AMN1: variants seen among roughly 807,000 people sequenced by gnomAD.
The protein encoded by AMN1 is antagonist of mitotic exit network 1 homolog.
Under a neutral mutation model 33.0 loss-of-function variants are expected in AMN1, and 20 were observed. The observed-to-expected ratio is 0.61, with a 90% CI of 0.43 to 0.88. The LOEUF is 0.88. AMN1 is among the 40% of genes least tolerant of loss of function. The pLI, the probability that AMN1 is intolerant of heterozygous loss-of-function variation, is 0.00. For synonymous variants in AMN1, 114 were observed against 111.9 expected, an observed-to-expected ratio of 1.02 and a Z score of -0.12; for missense variants, 246 against 307.4, an observed-to-expected ratio of 0.80 and a Z score of 1.49.
intron 5 of AMN1, among the ~76,000 whole-genome samples, chr12:31,696,167 A>G (rs1000201362): frequency 1.3e-5 from 2 of 152,100 alleles, no homozygotes; most frequent in African/African-American, 4.8e-5. Context: ...AACTTGGGAC[A>G]TGGAAGTTGC....
rs1938815132 is a variant in AMN1, at chr12:31,698,074, A to C, written c.317-117T>G. 5.6e-6 allele frequency: 5 copies of C among 895,784 alleles called. 1 individual carries two copies. The highest frequency in any genetic ancestry group is 4.8e-5 in the South Asian group (3 of 62,576). The allele number at this position is 895,784 out of a possible 1,614,324, so 55.5% of individuals were successfully genotyped here. On this transcript the variant is annotated intron_variant, in intron 3 of 6. Coordinates refer to ENST00000281471, the MANE Select transcript of AMN1 (RefSeq NM_001113402.2). The stretch of plus-strand genomic sequence containing the variant: ...GTTCAGTGTTAGCCCTTTTCAAAGT[A>C]GTCCACCTGTGAGGAAATACTGATT...
At chr12:31,693,458 T>G (rs1023828899) in intron 5 of AMN1, among the ~76,000 whole-genome samples, 3 of 151,970 alleles carry the variant, frequency 2.0e-5, no homozygotes, top group African/African-American at 7.3e-5. Flanking sequence ...AACTCCCAGC[T>G]TCATGTGATC....
chr12:31,698,021 T>C, intron 3 of AMN1, 64 bp from the exon 4 acceptor site: 1 of 1,496,714 alleles, frequency 6.7e-7, no homozygotes, highest in Admixed American at 1.7e-5. Flanking sequence ...ATGAGAAATG[T>C]GACTGATTTT....
chr12:31,677,315 A>G (rs1245846015), intron 6 of AMN1, among the ~76,000 whole-genome samples: 1 of 152,146 alleles, frequency 6.6e-6, no homozygotes, highest in African/African-American at 2.4e-5. Flanking sequence ...AAAGAAAAAG[A>G]AAAAGAATCA....
intron 6 of AMN1, among the ~76,000 whole-genome samples, chr12:31,674,589 T>G (rs539118937): frequency 2.6e-5 from 4 of 152,288 alleles, no homozygotes; most frequent in Admixed American, 2.6e-4. Context: ...GGCAACCTTA[T>G]GTAACATAAC....
At chr12:31,728,363 A>G (rs1436388157) in intron 1 of AMN1, among the ~76,000 whole-genome samples, 7 of 152,194 alleles carry the variant, frequency 4.6e-5, no homozygotes, top group Non-Finnish European at 1.5e-5. Flanking sequence ...AGGGTTTTAC[A>G]TGTTTTAAAT....
chr12:31,696,916 G>A lies in AMN1; in HGVS notation c.591+445C>T, dbSNP rs1369593081. 8.8e-5 allele frequency among the ~76,000 whole-genome samples: 13 copies of A among 146,946 alleles called. No homozygotes were observed. The East Asian group carries it at 1.8e-3, about 20-fold the overall frequency. ...AGCCTGGGCAACAGTGGGAGACTCC[G>A]TCTCAAAAAAAAAAAAAAACTTTTT... is the stretch of plus-strand genomic sequence containing the variant. On this transcript the variant is annotated intron_variant, in intron 5 of 6. Coordinates refer to ENST00000281471, the MANE Select transcript of AMN1 (RefSeq NM_001113402.2).
chr12:31,693,785 G>A (rs1938604210), intron 5 of AMN1, among the ~76,000 whole-genome samples: 1 of 151,082 alleles, frequency 6.6e-6, no homozygotes, highest in South Asian at 2.1e-4. Flanking sequence ...CAGGTGATCT[G>A]CCCACCTCAG....
intron 2 of AMN1, among the ~76,000 whole-genome samples, chr12:31,702,865 T>C (rs1388598367): frequency 6.6e-6 from 1 of 152,168 alleles, no homozygotes; most frequent in African/African-American, 2.4e-5. Context: ...AGCCTCCCAG[T>C]AGCTGGGATT....
chr12:31,672,896 T>C (rs1951312055), intron 6 of AMN1: 1 of 154,062 alleles, frequency 6.5e-6, no homozygotes, highest in Non-Finnish European at 1.4e-5. Flanking sequence ...AGTTGACCTG[T>C]AGCTGAACAT....
chr12:31,714,227 TA>T (rs1267873257), intron 1 of AMN1, among the ~76,000 whole-genome samples: 2 of 152,122 alleles, frequency 1.3e-5, no homozygotes, highest in African/African-American at 4.8e-5. Flanking sequence ...ACCTGTAACA[TA>T]AAGCAAGCAA....
At chr12:31,696,506 T>A (rs1938733182) in intron 5 of AMN1, among the ~76,000 whole-genome samples, 1 of 152,146 alleles carries the variant, frequency 6.6e-6, no homozygotes, top group Admixed American at 6.6e-5. Context: ...ATAGCATAGT[T>A]ATATTAAACC....
At chr12:31,709,571 C>T (rs1004515689) in intron 1 of AMN1, 146 bp from the exon 2 acceptor site, 20 of 979,372 alleles carry the variant, frequency 2.0e-5, no homozygotes, top group Non-Finnish European at 2.6e-5. Flanking sequence ...GTAATCCCAA[C>T]ACTTTGGGAA....
Position 31,697,010 on chromosome 12 carries a change from G to A in AMN1, c.591+351C>T, listed in dbSNP as rs192791871. Among the ~76,000 whole-genome samples, 149 of 151,906 alleles carry A rather than the reference G, an allele frequency of 9.8e-4. 4 individuals are homozygous for A. In the East Asian group the frequency reaches 0.023, roughly 24 times the overall value. On this transcript the variant is annotated intron_variant, in intron 5 of 6. Coordinates refer to ENST00000281471, the MANE Select transcript of AMN1 (RefSeq NM_001113402.2). ...GGATGTCAAGAGAATTAATACTCCT[G>A]GTAGAAATATCATTAAGACCTGAAA...
At chr12:31,710,062 T>C (rs1434862728) in intron 1 of AMN1, among the ~76,000 whole-genome samples, 2 of 152,220 alleles carry the variant, frequency 1.3e-5, no homozygotes, top group East Asian at 1.9e-4. Context: ...GACCCACTAA[T>C]TGAAAAGTTT....
At chr12:31,720,522 A>G (rs1417733939) in intron 1 of AMN1, among the ~76,000 whole-genome samples, 1 of 151,268 alleles carries the variant, frequency 6.6e-6, no homozygotes, top group African/African-American at 2.4e-5. Context: ...CCTGGACAAC[A>G]TGAGTGAAAC....
chr12:31,722,727 T>A (rs970092715), intron 1 of AMN1, among the ~76,000 whole-genome samples: 1 of 152,192 alleles, frequency 6.6e-6, no homozygotes, highest in Non-Finnish European at 1.5e-5. Context: ...GGTGGCAGTC[T>A]GGCAAAAGGG....
intron 2 of AMN1, among the ~76,000 whole-genome samples, chr12:31,702,516 T>C (rs1248674007): frequency 6.6e-6 from 1 of 152,178 alleles, no homozygotes; most frequent in Non-Finnish European, 1.5e-5. Context: ...TGACAAATAA[T>C]AGATTAATTC....
At chr12:31,707,436 T>C (rs1199687996) in intron 2 of AMN1, among the ~76,000 whole-genome samples, 1 of 152,200 alleles carries the variant, frequency 6.6e-6, no homozygotes, top group African/African-American at 2.4e-5. Flanking sequence ...CTGCAACTGC[T>C]TGACTGTAGA....
Sources: allele counts gnomAD v4.1 joint callset (sites outside exome capture counted in the v4.1 genomes callset), GRCh38; gene constraint gnomAD v4.1.1; transcripts MANE v1.5; gene names NCBI Gene and HGNC (gene_info 2026-07-23, HGNC 2026-07-21).